Variants in CSNK1G3 observed in about 807,000 individuals in gnomAD.
CSNK1G3 encodes casein kinase I isoform gamma-3.
Under a neutral mutation model 64.3 loss-of-function variants are expected in CSNK1G3, and 23 were observed. That is an observed-to-expected ratio of 0.36 (90% confidence interval 0.26 to 0.51). The LOEUF (loss-of-function observed/expected upper bound fraction) is 0.51, where lower values mean the gene tolerates loss of function less well. Ranked by LOEUF, CSNK1G3 falls within the 20% of genes least tolerant of loss-of-function variation. The pLI, the probability that CSNK1G3 is intolerant of heterozygous loss-of-function variation, is 0.96. For synonymous variants in CSNK1G3, 158 were observed against 162.2 expected, an observed-to-expected ratio of 0.97 and a Z score of 0.20; for missense variants, 357 against 510.5, an observed-to-expected ratio of 0.70 and a Z score of 2.90.
At chr5:123,522,532 G>T (rs1234479309) in intron 1 of CSNK1G3, among the ~76,000 whole-genome samples, 4 of 151,688 alleles carry the variant, frequency 2.6e-5, no homozygotes, top group African/African-American at 9.7e-5. Context: ...AAAATCTGAG[G>T]GTGTGGCCAG....
chr5:123,534,261 A>G (rs1233947303), intron 1 of CSNK1G3, among the ~76,000 whole-genome samples: 2 of 152,062 alleles, frequency 1.3e-5, no homozygotes, highest in Non-Finnish European at 2.9e-5. Context: ...GAGCTTAGAC[A>G]GATTAAGTGT....
intron 5 of CSNK1G3, among the ~76,000 whole-genome samples, chr5:123,573,753 T>C (rs1197166980): frequency 6.6e-6 from 1 of 152,200 alleles, no homozygotes; most frequent in Non-Finnish European, 1.5e-5. Flanking sequence ...TAATAATTGC[T>C]TTAAGATCAA....
intron 1 of CSNK1G3, among the ~76,000 whole-genome samples, chr5:123,531,302 TA>T (rs1001798672): frequency 6.6e-6 from 1 of 152,144 alleles, no homozygotes; most frequent in Non-Finnish European, 1.5e-5. Context: ...ACTTTCTCCT[TA>T]GACTTAAGTA....
rs193119111 is a variant in CSNK1G3, at chr5:123,560,435, A to G, written c.289+2871A>G. Among the ~76,000 whole-genome samples, 7 of 152,342 alleles carry G rather than the reference A, an allele frequency of 4.6e-5. No homozygotes were observed. The East Asian group carries it at 1.3e-3, about 29-fold the overall frequency. On this transcript the variant is annotated intron_variant, in intron 4 of 12. Coordinates refer to ENST00000345990, the Ensembl canonical transcript of CSNK1G3. Reference sequence around the variant, plus strand: ...ATTGTACATTCATGTTCATAGAAGTATTGTTTACACTAGCCAAAAGGTAGA... The same window carrying G: ...ATTGTACATTCATGTTCATAGAAGTGTTGTTTACACTAGCCAAAAGGTAGA...
intron 1 of CSNK1G3, among the ~76,000 whole-genome samples, chr5:123,516,453 C>G (rs1325264058): frequency 1.3e-5 from 2 of 152,072 alleles, no homozygotes; most frequent in Non-Finnish European, 2.9e-5. Flanking sequence ...TAAGCTCTCT[C>G]TGAAAGCTGA....
At chr5:123,563,745 C>A (rs1265238749) in intron 4 of CSNK1G3, among the ~76,000 whole-genome samples, 2 of 151,820 alleles carry the variant, frequency 1.3e-5, no homozygotes, top group Admixed American at 1.3e-4. Context: ...GTAAGACATT[C>A]AAAAAATTCT....
At chr5:123,602,885 A>G (rs1055763994) in intron 10 of CSNK1G3, among the ~76,000 whole-genome samples, 3 of 152,146 alleles carry the variant, frequency 2.0e-5, no homozygotes, top group South Asian at 2.1e-4. Context: ...TGTGCTTTAT[A>G]TATTAACATT....
chr5:123,522,543 G>A (rs1444993247), intron 1 of CSNK1G3, among the ~76,000 whole-genome samples: 2 of 151,824 alleles, frequency 1.3e-5, no homozygotes, highest in Non-Finnish European at 2.9e-5. Flanking sequence ...GTGTGGCCAG[G>A]TACCTGACAT....
intron 6 of CSNK1G3, among the ~76,000 whole-genome samples, chr5:123,582,486 G>A (rs1027137458): frequency 2.0e-5 from 3 of 152,080 alleles, no homozygotes; most frequent in Admixed American, 6.6e-5. Flanking sequence ...CTCTTAATAC[G>A]TGTTGATTAT....
chr5:123,597,377 T>A (rs1793633268), intron 10 of CSNK1G3, among the ~76,000 whole-genome samples: 1 of 152,130 alleles, frequency 6.6e-6, no homozygotes, highest in Non-Finnish European at 1.5e-5. Context: ...AATTAATAAG[T>A]CACTGTCTGG....
chr5:123,525,673 C>T (rs748308785), intron 1 of CSNK1G3, among the ~76,000 whole-genome samples: 4 of 152,034 alleles, frequency 2.6e-5, no homozygotes, highest in African/African-American at 7.2e-5. Context: ...TAAACACAAG[C>T]ATCTGACTTA....
At chr5:123,529,976 A>G (rs1779668346) in intron 1 of CSNK1G3, among the ~76,000 whole-genome samples, 1 of 152,060 alleles carries the variant, frequency 6.6e-6, no homozygotes, top group Admixed American at 6.6e-5. Flanking sequence ...GTCTCTACAA[A>G]AAATACAAAA....
chr5:123,596,467 G>A (rs1342018534), intron 10 of CSNK1G3, among the ~76,000 whole-genome samples: 3 of 152,016 alleles, frequency 2.0e-5, no homozygotes, highest in Non-Finnish European at 4.4e-5. Context: ...TAACAATTAA[G>A]GCACTATTAG....
chr5:123,605,267 C>A, intron 11 of CSNK1G3, 72 bp from the exon 13 acceptor site: 1 of 1,339,438 alleles, frequency 7.5e-7, no homozygotes, highest in Non-Finnish European at 1.0e-6. Context: ...GTGATAATTT[C>A]AATGTGAGCT....
intron 9 of CSNK1G3, 129 bp from the exon 10 acceptor site, chr5:123,591,190 C>T: frequency 2.2e-6 from 1 of 463,598 alleles, no homozygotes; most frequent in Non-Finnish European, 3.8e-6. Flanking sequence ...GATAATGATG[C>T]CTTTACTTAA....
chr5:123,526,781 G>T (rs1779157027), intron 1 of CSNK1G3, among the ~76,000 whole-genome samples: 1 of 150,608 alleles, frequency 6.6e-6, no homozygotes, highest in South Asian at 2.1e-4. Context: ...CCATTGTATG[G>T]ATGTACCTCA....
chr5:123,528,940 C>A (rs746287181), intron 1 of CSNK1G3, among the ~76,000 whole-genome samples: 19 of 152,150 alleles, frequency 1.2e-4, no homozygotes, highest in Admixed American at 5.2e-4. Flanking sequence ...TGCGTGTTCC[C>A]AGTTGACGTT....
At chr5:123,611,586 G>C (rs192660922) in intron 12 of CSNK1G3, among the ~76,000 whole-genome samples, 1 of 152,296 alleles carries the variant, frequency 6.6e-6, no homozygotes, top group East Asian at 1.9e-4. Flanking sequence ...AAAGTAAATT[G>C]CTGATACAAG....
chr5:123,536,492 A>T (rs1056696124), intron 1 of CSNK1G3, among the ~76,000 whole-genome samples: 3 of 150,286 alleles, frequency 2.0e-5, no homozygotes, highest in Admixed American at 6.7e-5. Context: ...CTAGTTTTCC[A>T]TACCACTGTA....
Sources: allele counts gnomAD v4.1 joint callset (sites outside exome capture counted in the v4.1 genomes callset), GRCh38; gene constraint gnomAD v4.1.1; transcripts MANE v1.5; gene names NCBI Gene and HGNC (gene_info 2026-07-23, HGNC 2026-07-21).